The following SYCP1 variants were observed in gnomAD, a reference collection of about 807,000 sequenced individuals.
SYCP1 encodes the protein cancer/testis antigen 8.
Under a neutral mutation model 153.1 loss-of-function variants are expected in SYCP1, and 64 were observed. That is an observed-to-expected ratio of 0.42 (90% CI 0.34 to 0.51). The LOEUF is 0.51. Among genes scored for constraint, SYCP1 ranks in the 20% least tolerant of loss-of-function variants. The pLI, the probability that SYCP1 is intolerant of heterozygous loss-of-function variation, is 0.06. For missense variants in SYCP1, 997 were observed against 1,049.0 expected (o/e 0.95, Z 0.68); for synonymous variants, 384 against 341.8 (o/e 1.12, Z -1.36).
chr1:114,947,579 C>T (rs561093599), intron 27 of SYCP1, among the ~76,000 whole-genome samples: 72 of 151,572 alleles, frequency 4.8e-4, no homozygotes, highest in African/African-American at 1.2e-3. Context: ...TTTGGGAGGC[C>T]GAGGCGGGCG....
upstream of SYCP1, among the ~76,000 whole-genome samples, chr1:114,854,577 T>C (rs1389706907): frequency 6.6e-6 from 1 of 152,218 alleles, no homozygotes; most frequent in African/African-American, 2.4e-5. Context: ...TAAATGATTA[T>C]AGGACATTTT....
chr1:114,953,136 C>A (rs796227351), intron 27 of SYCP1, among the ~76,000 whole-genome samples: 18 of 152,330 alleles, frequency 1.2e-4, no homozygotes, highest in African/African-American at 4.3e-4. Context: ...ATGGCCCTAT[C>A]ACCTTCCAAA....
At chr1:114,941,389 C>A (rs1297129116) in intron 23 of SYCP1, among the ~76,000 whole-genome samples, 1 of 151,978 alleles carries the variant, frequency 6.6e-6, no homozygotes. Context: ...TATAACTATA[C>A]CATTTTTTAT....
Position 114,857,253 on chromosome 1 carries a change from A to G in SYCP1, c.215A>G (p.Asn72Ser). 6.2e-7 allele frequency: 1 copy of G among 1,602,136 alleles called. No individual in the cohort carries two copies. ...IDSDPALQKVNFLPVLEQVGN... is the reference protein window; with the variant it reads ...IDSDPALQKVSFLPVLEQVGN... ...GCAGATCCTGCTTTACAAAAAGTTA[A>G]TTTCTTGCCCGTGCTTGAGCAGGTC... Residue 72 changes from asparagine (N) to serine (S), a missense_variant, in exon 4 of 32, where the codon AAT becomes AGT. Around this residue, in one of 2 missense-constraint regions of SYCP1, gnomAD observed 285 missense variants for 366.1 expected, o/e 0.78. Coordinates refer to ENST00000369522, the MANE Select transcript of SYCP1 (RefSeq NM_003176.4).
chr1:114,993,100 C>T (rs1674035485), intron 30 of SYCP1, among the ~76,000 whole-genome samples: 1 of 151,598 alleles, frequency 6.6e-6, no homozygotes, highest in African/African-American at 2.4e-5. Flanking sequence ...ACTTATTAAT[C>T]ATTTTTATAT....
intron 27 of SYCP1, among the ~76,000 whole-genome samples, chr1:114,968,123 T>C (rs1263586077): frequency 6.6e-6 from 1 of 152,344 alleles, no homozygotes; most frequent in East Asian, 1.9e-4. Context: ...TTTTCCTTCA[T>C]TTCAACCTTG....
chr1:114,859,163 C>G (rs1222571865), intron 6 of SYCP1, among the ~76,000 whole-genome samples: 1 of 152,208 alleles, frequency 6.6e-6, no homozygotes, highest in Non-Finnish European at 1.5e-5. Flanking sequence ...TCTCGGCTCA[C>G]TGCAACCTTC....
chr1:114,886,843 A>G (rs1228271044), intron 14 of SYCP1, among the ~76,000 whole-genome samples: 1 of 152,036 alleles, frequency 6.6e-6, no homozygotes, highest in Non-Finnish European at 1.5e-5. Flanking sequence ...TAAAAAATAA[A>G]CTAGTATTTT....
intron 27 of SYCP1, among the ~76,000 whole-genome samples, chr1:114,950,529 A>C (rs565385588): frequency 6.6e-6 from 1 of 152,170 alleles, no homozygotes; most frequent in Non-Finnish European, 1.5e-5. Context: ...CTGTTTTTCC[A>C]TCTGCTTTCC....
chr1:114,941,640 T>C (rs1031575819), intron 23 of SYCP1, among the ~76,000 whole-genome samples: 3 of 152,084 alleles, frequency 2.0e-5, no homozygotes, highest in Non-Finnish European at 2.9e-5. Context: ...TGATTTTTTT[T>C]CCTAAGGGTT....
intron 27 of SYCP1, among the ~76,000 whole-genome samples, chr1:114,955,001 C>T (rs997561446): frequency 1.1e-4 from 16 of 152,102 alleles, no homozygotes; most frequent in South Asian, 2.1e-4. Flanking sequence ...GAAAAGCATT[C>T]AATTTTTTAA....
chr1:114,890,328 A>G (rs979546319), intron 15 of SYCP1, among the ~76,000 whole-genome samples: 8 of 151,612 alleles, frequency 5.3e-5, no homozygotes, highest in Non-Finnish European at 5.9e-5. Context: ...TGTTTTAAAT[A>G]TGTTTTATAA....
chr1:114,926,445 G>T, intron 22 of SYCP1, 56 bp from the exon 23 acceptor site: 1 of 1,485,894 alleles, frequency 6.7e-7, no homozygotes, highest in Non-Finnish European at 9.0e-7. Flanking sequence ...TAAGTCAGTA[G>T]CAAGGTAAGT....
intron 12 of SYCP1, among the ~76,000 whole-genome samples, chr1:114,884,041 A>C (rs559456387): frequency 6.6e-6 from 1 of 152,140 alleles, no homozygotes; most frequent in South Asian, 2.1e-4. Flanking sequence ...TGACCCTTTC[A>C]TTCTATGTAG....
chr1:114,981,940 T>G (rs1673183090), intron 29 of SYCP1, among the ~76,000 whole-genome samples: 1 of 152,058 alleles, frequency 6.6e-6, no homozygotes, highest in African/African-American at 2.4e-5. Context: ...ACTACTTCCC[T>G]TTGCTGTTTA....
chr1:114,888,527 A>G (rs1666466926), intron 15 of SYCP1, among the ~76,000 whole-genome samples: 1 of 151,908 alleles, frequency 6.6e-6, no homozygotes, highest in African/African-American at 2.4e-5. Context: ...TGTGAGGCTT[A>G]ATTTTCCACT....
intron 8 of SYCP1, among the ~76,000 whole-genome samples, chr1:114,867,185 A>G (rs912019100): frequency 1.3e-5 from 2 of 152,120 alleles, no homozygotes; most frequent in Non-Finnish European, 2.9e-5. Flanking sequence ...TTTGAATAGT[A>G]TCAGTTCTCC....
Position 114,886,108 on chromosome 1 carries a change from T to C in SYCP1, c.1006-17T>C. The C allele has an allele frequency of 6.5e-7, 1 of 1,547,010 alleles. No individual in the cohort carries two copies. Among genetic ancestry groups the C allele is most frequent in the Non-Finnish European group, 8.7e-7 (1 of 1,148,538 alleles). Reference sequence around the variant, plus strand: ...CCTTTGGATCATTGCTCTTGTTTTATACTTTATTTCATTTAGAGTACTCAA... The same window carrying C: ...CCTTTGGATCATTGCTCTTGTTTTACACTTTATTTCATTTAGAGTACTCAA... On this transcript the variant is annotated splice_polypyrimidine_tract_variant and intron_variant, in intron 13 of 31. Coordinates refer to ENST00000369522, the MANE Select transcript of SYCP1 (RefSeq NM_003176.4).
chr1:114,961,520 G>A (rs2101884595), intron 27 of SYCP1, among the ~76,000 whole-genome samples: 1 of 152,288 alleles, frequency 6.6e-6, no homozygotes, highest in South Asian at 2.1e-4. Context: ...CTGTATCTCA[G>A]AGGCATTGAT....
Sources: allele counts gnomAD v4.1 joint callset (sites outside exome capture counted in the v4.1 genomes callset), GRCh38; gene constraint gnomAD v4.1.1; regional missense constraint gnomAD v4.1.1; transcripts MANE v1.5; gene names NCBI Gene and HGNC (gene_info 2026-07-23, HGNC 2026-07-21).